The following PITPNB variants were observed in gnomAD, a reference collection of about 807,000 sequenced individuals.
The protein encoded by PITPNB is phosphatidylinositol transfer protein beta isoform.
Under a neutral mutation model 45.9 loss-of-function variants are expected in PITPNB, and 16 were observed. That is an observed-to-expected ratio of 0.35 (90% CI 0.24 to 0.53). The LOEUF (loss-of-function observed/expected upper bound fraction) is 0.53, where lower values mean the gene tolerates loss of function less well. Among genes scored for constraint, PITPNB ranks in the 20% least tolerant of loss-of-function variants. The pLI, the probability that PITPNB is intolerant of heterozygous loss-of-function variation, is 0.93. For missense variants in PITPNB, 188 were observed against 330.5 expected (o/e 0.57, Z 3.34); for synonymous variants, 112 against 108.9 (o/e 1.03, Z -0.18).
At chr22:27,877,088 G>A (rs1934841583) in intron 7 of PITPNB, among the ~76,000 whole-genome samples, 1 of 152,194 alleles carries the variant, frequency 6.6e-6, no homozygotes, top group African/African-American at 2.4e-5. Flanking sequence ...AAATTCACCA[G>A]GCCAAGGAAA....
intron 7 of PITPNB, among the ~76,000 whole-genome samples, chr22:27,881,884 T>C (rs376129877): frequency 1.2e-4 from 18 of 152,356 alleles, no homozygotes; most frequent in Middle Eastern, 6.8e-3. Flanking sequence ...CAACTTCACA[T>C]GGCTTCAACC....
rs537869225 is a variant in PITPNB at position 27,915,004 on chromosome 22, T to C, written c.21-657A>G. Among the ~76,000 whole-genome samples, 113 of 152,338 alleles carry C rather than the reference T, an allele frequency of 7.4e-4. 1 individual carries two copies. Among genetic ancestry groups the C allele is most frequent in the African/African-American group, 2.7e-3 (111 of 41,578 alleles). On this transcript the variant is annotated intron_variant, in intron 1 of 11. Transcript: ENST00000335272. ...TATTGTATATACCAAAAAGATGTCA[T>C]TATAGCTCCATTGCAAGCAGTCTTA...
intron 3 of PITPNB, among the ~76,000 whole-genome samples, chr22:27,898,471 G>A (rs1048490647): frequency 6.0e-5 from 9 of 150,650 alleles, no homozygotes; most frequent in African/African-American, 2.2e-4. Flanking sequence ...AAGAACTTCT[G>A]ATCTACTACC....
chr22:27,870,426 AAT>A (rs1934621960), intron 8 of PITPNB, among the ~76,000 whole-genome samples: 1 of 152,226 alleles, frequency 6.6e-6, no homozygotes, highest in Admixed American at 6.5e-5. Flanking sequence ...TTTAGCTTTG[AAT>A]AGACTTTGGA....
intron 3 of PITPNB, among the ~76,000 whole-genome samples, chr22:27,907,827 G>A (rs898271365): frequency 9.2e-5 from 14 of 151,964 alleles, no homozygotes; most frequent in Non-Finnish European, 1.9e-4. Context: ...GGGTAAATAC[G>A]TGCCTTAGTG....
chr22:27,887,804 G>A (rs933024399), intron 7 of PITPNB, among the ~76,000 whole-genome samples: 5 of 152,102 alleles, frequency 3.3e-5, no homozygotes, highest in Non-Finnish European at 7.3e-5. Flanking sequence ...AGTGCAAGCA[G>A]AACCGCTAAC....
intron 3 of PITPNB, among the ~76,000 whole-genome samples, chr22:27,906,102 G>A (rs1052751681): frequency 6.6e-6 from 1 of 152,146 alleles, no homozygotes; most frequent in East Asian, 1.9e-4. Context: ...AAGAGGGATC[G>A]AAGTGAATAA....
At chr22:27,916,798 C>CAA (rs796825922) in intron 1 of PITPNB, among the ~76,000 whole-genome samples, 2 of 142,966 alleles carry the variant, frequency 1.4e-5, no homozygotes, top group African/African-American at 5.2e-5. Flanking sequence ...GACTCCGCCT[C>CAA]AAAAAAAAAA....
Position 27,897,140 on chromosome 22 carries a change from G to A in PITPNB, c.290-3C>T. On this transcript the variant is annotated splice_polypyrimidine_tract_variant and splice_region_variant and intron_variant, in intron 4 of 11. Coordinates refer to ENST00000335272, the MANE Select transcript of PITPNB (RefSeq NM_012399.5). The stretch of plus-strand genomic sequence containing the variant: ...AATAGTTTTACTCACCGTTACAACT[G>A]AGGCATAATGGAGAGGTAGGTAATG... The A allele has an allele frequency of 1.3e-6, 2 of 1,570,754 alleles. No homozygotes were observed. The highest frequency in any genetic ancestry group is 1.8e-6 in the Non-Finnish European group (2 of 1,140,330).
chr22:27,898,194 G>A, intron 3 of PITPNB: 1 of 288,722 alleles, frequency 3.5e-6, no homozygotes, highest in Non-Finnish European at 6.8e-6. Context: ...TGGACAACAT[G>A]GTGAAACCCT....
chr22:27,872,633 A>G (rs1934702629), intron 8 of PITPNB, among the ~76,000 whole-genome samples: 1 of 151,532 alleles, frequency 6.6e-6, no homozygotes, highest in Admixed American at 6.6e-5. Context: ...CCACTCAATG[A>G]GTTCTCTGTG....
intron 1 of PITPNB, among the ~76,000 whole-genome samples, chr22:27,918,536 A>G (rs1936155300): frequency 1.3e-5 from 2 of 152,342 alleles, no homozygotes; most frequent in Middle Eastern, 3.4e-3. Context: ...CTAAGAAAGT[A>G]GGTGGGGCCC....
Position 27,898,099 on chromosome 22 carries a change from G to C in PITPNB, c.198-207C>G. 1.2e-5 allele frequency: 6 copies of C among 502,614 alleles called. No individual in the cohort carries two copies. The South Asian group carries it at 1.3e-4, about 11-fold the overall frequency. The allele number at this position is 502,614 out of a possible 1,614,324, so 31.1% of individuals were successfully genotyped here. ...AAAAATGATTAAGAATATTTAGCTG[G>C]GTATGGTGGCTCATGCCTGTAATCC... On this transcript the variant is annotated intron_variant, in intron 3 of 11. Transcript: ENST00000335272.
chr22:27,866,358 T>C (rs774368412), intron 8 of PITPNB, among the ~76,000 whole-genome samples: 1 of 152,186 alleles, frequency 6.6e-6, no homozygotes, highest in Non-Finnish European at 1.5e-5. Context: ...ACAACACATA[T>C]TAGGTTACTC....
At chr22:27,863,837 T>G (rs891904024) in intron 8 of PITPNB, among the ~76,000 whole-genome samples, 1 of 152,238 alleles carries the variant, frequency 6.6e-6, no homozygotes, top group African/African-American at 2.4e-5. Context: ...TCTCACATTC[T>G]TTCTAGTGAC....
intron 3 of PITPNB, among the ~76,000 whole-genome samples, chr22:27,908,669 A>C (rs1197554924): frequency 6.6e-6 from 1 of 152,144 alleles, no homozygotes; most frequent in African/African-American, 2.4e-5. Flanking sequence ...TGCTAGAAAA[A>C]GAAAGCTGAG....
At chr22:27,908,080 C>G in intron 3 of PITPNB, among the ~76,000 whole-genome samples, 1 of 151,794 alleles carries the variant, frequency 6.6e-6, no homozygotes. Flanking sequence ...AAGAATATCT[C>G]TTGCACTAAC....
At chr22:27,904,022 A>T (rs764719150) in intron 3 of PITPNB, among the ~76,000 whole-genome samples, 1 of 152,198 alleles carries the variant, frequency 6.6e-6, no homozygotes, top group East Asian at 1.9e-4. Context: ...TACACTGCTG[A>T]TAACATTATA....
chr22:27,889,151 G>C (rs1441549442), intron 7 of PITPNB, among the ~76,000 whole-genome samples: 4 of 152,174 alleles, frequency 2.6e-5, no homozygotes, highest in Admixed American at 2.6e-4. Context: ...CCTTATTCTA[G>C]TTGCTCCATC....
Sources: gnomAD v4.1 joint callset for allele counts (sites outside exome capture counted in the v4.1 genomes callset) on GRCh38, gnomAD v4.1.1 for gene constraint, MANE v1.5 for transcripts, NCBI Gene and HGNC (gene_info 2026-07-23, HGNC 2026-07-21) for gene names.